Variants in PRELID2 observed in about 807,000 individuals in gnomAD.
PRELID2 encodes PRELI domain-containing protein 2.
A neutral mutation model predicts 28.4 loss-of-function variants in PRELID2; 25 were observed. The observed-to-expected ratio is 0.88, with a 90% CI of 0.64 to 1.23. The LOEUF is 1.23. PRELID2 is among the 50% of genes most tolerant of loss of function. PRELID2 has a pLI of 0.00. For synonymous variants in PRELID2, 76 were observed against 71.6 expected, an observed-to-expected ratio of 1.06 and a Z score of -0.31; for missense variants, 201 against 214.4, an observed-to-expected ratio of 0.94 and a Z score of 0.39.
In PRELID2 at chr5:145,682,040, T is replaced by A. The variant is rs528829065; in HGVS notation, n.70+82891A>T. ...TTAGACAAATTAGTTCTAGATTATT[T>A]TTAAAACCATAACTTGGAGAAAAAA... On this transcript the variant is annotated intron_variant and non_coding_transcript_variant, in intron 1 of 2. Coordinates refer to the PRELID2 transcript ENST00000510259. 6.6e-5 allele frequency among the ~76,000 whole-genome samples: 10 copies of A among 152,212 alleles called. No homozygotes were observed. The East Asian group carries it at 9.6e-4, about 15-fold the overall frequency.
At chr5:145,725,177 G>A (rs1196531993) in intron 1 of PRELID2, among the ~76,000 whole-genome samples, 4 of 152,100 alleles carry the variant, frequency 2.6e-5, no homozygotes, top group African/African-American at 4.8e-5. Context: ...AGCAATCCCA[G>A]TAGAATAAAA....
At position 145,819,989 on chromosome 5, in the gene PRELID2, T is replaced by C. The variant is rs368669691; in HGVS notation, c.163A>G (p.Arg55Gly). The change falls in exon 3 of 7, where the codon AGG becomes GGG. Residue 55 changes from arginine to glycine, a missense_variant. Physicochemically the swap from Arg to Gly is moderately radical, Grantham distance 125. Transcript: ENST00000683046. ...DESTGVIYRK[R>G]IAICQNVVPE... is the part of the protein sequence containing the mutation. Reference sequence around the variant, plus strand: ...ACCACGTTCTGACAGATTGCAATCCTCTTTCTGTAGATGACCCCTGTTGAT... The same window carrying C: ...ACCACGTTCTGACAGATTGCAATCCCCTTTCTGTAGATGACCCCTGTTGAT... 1.8e-5 allele frequency: 29 copies of C among 1,606,392 alleles called. No homozygotes were observed. Among genetic ancestry groups the C allele is most frequent in the Non-Finnish European group, 4.3e-6 (5 of 1,175,926 alleles).
At chr5:145,774,952 A>G (rs1758322390) in intron 5 of PRELID2, among the ~76,000 whole-genome samples, 1 of 152,210 alleles carries the variant, frequency 6.6e-6, no homozygotes. Context: ...ATAAATGGCA[A>G]AATCAGGCCA....
At chr5:145,373,493 ATAT>A in the PRELID2 span, among the ~76,000 whole-genome samples, 111 of 27,170 alleles carry the variant, frequency 4.1e-3, no homozygotes, top group African/African-American at 6.8e-3. Flanking sequence ...AATATATATG[ATAT>A]TATATATTAC....
chr5:145,244,835 A>G, the PRELID2 span, among the ~76,000 whole-genome samples: 1 of 152,106 alleles, frequency 6.6e-6, no homozygotes, highest in Non-Finnish European at 1.5e-5. Context: ...ATGCAAAAAA[A>G]TTTTGCCTAT....
the PRELID2 span, among the ~76,000 whole-genome samples, chr5:145,417,030 AGAG>A: frequency 6.6e-6 from 1 of 152,110 alleles, no homozygotes; most frequent in African/African-American, 2.4e-5. Flanking sequence ...ATAAAGAAGA[AGAG>A]AAGAGATAAA....
chr5:145,835,328 G>C lies in PRELID2; in HGVS notation c.-77C>G. 2 of 984,560 alleles carry C rather than the reference G, an allele frequency of 2.0e-6. No individual in the cohort carries two copies. The highest frequency in any genetic ancestry group is 3.0e-6 in the Non-Finnish European group (2 of 661,920). The allele number at this position is 984,560 out of a possible 1,614,324, so 61.0% of individuals were successfully genotyped here. A position where few individuals can be genotyped will look rare whatever the true frequency, so the allele number is the denominator to read the frequency against. ...CTGCCCAGGGCTCCGCAGAGGCCCG[G>C]AGGCGCCCACACTCGGACAGCCACA... On this transcript the variant is annotated 5_prime_UTR_variant, in exon 1 of 7. Coordinates refer to ENST00000683046, the MANE Select transcript of PRELID2 (RefSeq NM_205846.3).
In PRELID2 at chr5:145,701,138, C is replaced by T. The variant is rs186103340; in HGVS notation, n.70+63793G>A. ...GTACTTTTTGAGAGTCCTATAATTACTGTGATTCTCCCCATTTCACAGACT... is the reference window on the plus strand; with the variant it reads ...GTACTTTTTGAGAGTCCTATAATTATTGTGATTCTCCCCATTTCACAGACT... On this transcript the variant is annotated intron_variant and non_coding_transcript_variant, in intron 1 of 2. Transcript: ENST00000510259. 2.0e-3 allele frequency among the ~76,000 whole-genome samples: 300 copies of T among 152,276 alleles called. 2 individuals are homozygous for T. The highest frequency in any genetic ancestry group is 7.0e-3 in the African/African-American group (291 of 41,558).
At chr5:145,619,186 A>G (rs1267118126) in intron 1 of PRELID2, among the ~76,000 whole-genome samples, 3 of 152,052 alleles carry the variant, frequency 2.0e-5, no homozygotes, top group Non-Finnish European at 4.4e-5. Flanking sequence ...CCCTCTCCCA[A>G]CTTCTGGCCA....
At chr5:145,463,078 C>T in the PRELID2 span, among the ~76,000 whole-genome samples, 1 of 151,956 alleles carries the variant, frequency 6.6e-6, no homozygotes, top group Admixed American at 6.6e-5. Flanking sequence ...TGAAACTGAA[C>T]ATAAAATGAT....
At chr5:145,376,077 C>T in the PRELID2 span, among the ~76,000 whole-genome samples, 2 of 152,138 alleles carry the variant, frequency 1.3e-5, no homozygotes, top group African/African-American at 2.4e-5. Context: ...GCCTTTAATA[C>T]CTAGTTACTA....
intron 5 of PRELID2, among the ~76,000 whole-genome samples, chr5:145,771,288 G>A (rs910473004): frequency 5.9e-5 from 9 of 151,910 alleles, no homozygotes; most frequent in African/African-American, 2.2e-4. Context: ...ATATAGCCTG[G>A]GTATGTTGTA....
chr5:145,656,617 C>G (rs951428348), intron 1 of PRELID2, among the ~76,000 whole-genome samples: 3 of 151,922 alleles, frequency 2.0e-5, no homozygotes, highest in African/African-American at 7.3e-5. Flanking sequence ...ATGGATGAAG[C>G]TGGAAACCAT....
chr5:145,297,697 C>T, the PRELID2 span, among the ~76,000 whole-genome samples: 4 of 151,946 alleles, frequency 2.6e-5, no homozygotes, highest in Non-Finnish European at 4.4e-5. Context: ...TTGCAGATGA[C>T]ATGATTGTAT....
At chr5:145,683,892 T>C (rs917030544) in intron 1 of PRELID2, among the ~76,000 whole-genome samples, 6 of 152,288 alleles carry the variant, frequency 3.9e-5, no homozygotes, top group Admixed American at 6.5e-5. Flanking sequence ...TGCACATTGC[T>C]TATTGGTATT....
At chr5:145,713,667 G>T (rs1345651864) in intron 1 of PRELID2, among the ~76,000 whole-genome samples, 6 of 93,576 alleles carry the variant, frequency 6.4e-5, no homozygotes, top group African/African-American at 3.1e-4. Context: ...TATATATAGT[G>T]TGTGTATATA....
chr5:145,577,276 G>T (rs946392960), intron 1 of PRELID2, among the ~76,000 whole-genome samples: 3 of 152,042 alleles, frequency 2.0e-5, no homozygotes, highest in Admixed American at 6.6e-5. Context: ...GGAGATGCAT[G>T]AACTACCTAG....
At chr5:145,491,831 T>C (rs1752272181) in intron 1 of PRELID2, among the ~76,000 whole-genome samples, 1 of 152,136 alleles carries the variant, frequency 6.6e-6, no homozygotes, top group South Asian at 2.1e-4. Flanking sequence ...TTTCACTTAA[T>C]GTAATGTTCT....
intron 5 of PRELID2, among the ~76,000 whole-genome samples, chr5:145,786,891 T>A (rs772327167): frequency 2.0e-5 from 3 of 152,208 alleles, no homozygotes; most frequent in Admixed American, 6.5e-5. Flanking sequence ...AACTGCATAT[T>A]CTGATTTCTT....
Sources: allele counts gnomAD v4.1 joint callset (sites outside exome capture counted in the v4.1 genomes callset), GRCh38; gene constraint gnomAD v4.1.1; transcripts MANE v1.5; gene names NCBI Gene and HGNC (gene_info 2026-07-23, HGNC 2026-07-21).